Variants in IRF2 observed in about 807,000 individuals in gnomAD.
IRF2 encodes the protein interferon regulatory factor 2.
In IRF2, 15 loss-of-function variants were observed where a neutral mutation model predicts 40.6. The observed-to-expected ratio is 0.37, with a 90% CI of 0.25 to 0.57. The LOEUF (loss-of-function observed/expected upper bound fraction) is 0.57. Ranked by LOEUF, IRF2 falls within the 20% of genes least tolerant of loss-of-function variation. IRF2 has a pLI of 0.77. For missense variants in IRF2, 317 were observed against 455.7 expected (o/e 0.70, Z 2.77); for synonymous variants, 151 against 165.5 (o/e 0.91, Z 0.67).
At chr4:184,434,491 T>A (rs2149906630) in intron 1 of IRF2, among the ~76,000 whole-genome samples, 1 of 152,338 alleles carries the variant, frequency 6.6e-6, no homozygotes, top group Middle Eastern at 3.4e-3. Flanking sequence ...TCTGCAAACC[T>A]AATATATGAG....
At chr4:184,407,189 G>C in intron 6 of IRF2, 1 of 1,289,406 alleles carries the variant, frequency 7.8e-7, no homozygotes. Context: ...CTCGGCAAGA[G>C]GCCAGCGGAG....
In IRF2 at chr4:184,399,050, T is replaced by A; in HGVS notation, c.559A>T (p.Ile187Phe). The change falls in exon 7 of 9, where the codon ATT becomes TTT. Residue 187 changes from isoleucine to phenylalanine, a missense_variant. This residue lies in a region of IRF2 where 262 missense variants were observed against 334.0 expected (regional missense o/e 0.78). Coordinates refer to ENST00000393593, the MANE Select transcript of IRF2 (RefSeq NM_002199.4). The part of the protein sequence containing the change: ...VVGQSHLDSN[I>F]ENQEIVTNPP... ...TTGGTGACAATCTCTTGATTCTCAA[T>A]GTTGCTGTCCAGATGGGACTGTCCT... The A allele has an allele frequency of 6.2e-7, 1 of 1,611,478 alleles. No individual in the cohort carries two copies. The highest frequency in any genetic ancestry group is 8.5e-7 in the Non-Finnish European group (1 of 1,178,654).
At chr4:184,453,694 G>A (rs1738811913) in intron 1 of IRF2, among the ~76,000 whole-genome samples, 1 of 152,214 alleles carries the variant, frequency 6.6e-6, no homozygotes, top group Non-Finnish European at 1.5e-5. Context: ...GAGGCACGTG[G>A]GAAAAGGGTA....
chr4:184,405,261 A>G (rs1736813215), intron 6 of IRF2, among the ~76,000 whole-genome samples: 1 of 152,092 alleles, frequency 6.6e-6, no homozygotes, highest in Non-Finnish European at 1.5e-5. Context: ...AAACAAAACA[A>G]AACAAAACTC....
intron 3 of IRF2, among the ~76,000 whole-genome samples, chr4:184,418,927 G>T (rs1299716067): frequency 2.0e-5 from 3 of 152,132 alleles, no homozygotes; most frequent in Non-Finnish European, 4.4e-5. Context: ...AGTCAAACTG[G>T]GACAAGTTGG....
At chr4:184,471,707 C>G (rs1739519809) in intron 1 of IRF2, among the ~76,000 whole-genome samples, 1 of 152,164 alleles carries the variant, frequency 6.6e-6, no homozygotes, top group Admixed American at 6.5e-5. Flanking sequence ...ACATCTTTTG[C>G]TCTGGTGCAC....
At chr4:184,473,029 G>A (rs985253271) in intron 1 of IRF2, among the ~76,000 whole-genome samples, 1 of 152,144 alleles carries the variant, frequency 6.6e-6, no homozygotes, top group African/African-American at 2.4e-5. Context: ...GGCTTCCCCA[G>A]CCCCGGCGGA....
intron 5 of IRF2, among the ~76,000 whole-genome samples, chr4:184,417,888 G>A (rs1249785770): frequency 5.3e-5 from 8 of 152,224 alleles, no homozygotes; most frequent in Non-Finnish European, 8.8e-5. Context: ...CACTGGCAAC[G>A]GCTGTGGTGG....
At position 184,401,298 on chromosome 4, in the gene IRF2, C is replaced by T. The variant is rs547065239; in HGVS notation, c.530-2219G>A. Among the ~76,000 whole-genome samples the T allele has an allele frequency of 9.9e-5, 15 of 152,166 alleles. No individual in the cohort carries two copies. In the East Asian group the frequency reaches 1.4e-3, roughly 14 times the overall value. On this transcript the variant is annotated intron_variant, in intron 6 of 8. Coordinates refer to ENST00000393593, the MANE Select transcript of IRF2 (RefSeq NM_002199.4). ...TGACAAGCACATTATCTGATTTCTA[C>T]GCAGGGAAGGTTTTAGAGGGCAGTG...
chr4:184,395,396 G>A (rs1485123245), intron 7 of IRF2, among the ~76,000 whole-genome samples: 2 of 123,102 alleles, frequency 1.6e-5, no homozygotes, highest in Non-Finnish European at 3.2e-5. Flanking sequence ...CTGGGCGACA[G>A]AGCGAGACTC....
At chr4:184,449,992 C>A (rs966647062) in intron 1 of IRF2, among the ~76,000 whole-genome samples, 1 of 152,198 alleles carries the variant, frequency 6.6e-6, no homozygotes, top group Non-Finnish European at 1.5e-5. Context: ...GCTAGGTATA[C>A]TGACGCAGGC....
Position 184,388,698 on chromosome 4 carries a change from A to T in IRF2, c.*60T>A, listed in dbSNP as rs1360787101. ...GGTGTCAGAGAGAAAAAAATAAAAT[A>T]CAAACAAACAACAAAACAAAGCCAA... On this transcript the variant is annotated 3_prime_UTR_variant, in exon 9 of 9. Transcript: ENST00000393593. This position sits in a 1 kb window ranked among gnomAD's most constrained non-coding sequence, Gnocchi z 4.6. The T allele has an allele frequency of 3.9e-6, 6 of 1,524,456 alleles. No homozygotes were observed. The highest frequency in any genetic ancestry group is 3.5e-6 in the Non-Finnish European group (4 of 1,127,276). 94.4% of individuals were successfully genotyped at this position (1,524,456 alleles called of 1,614,324 possible). A position where few individuals can be genotyped will look rare whatever the true frequency, so the allele number is the denominator to read the frequency against.
intron 6 of IRF2, among the ~76,000 whole-genome samples, chr4:184,402,483 T>C (rs530758557): frequency 6.6e-6 from 1 of 152,178 alleles, no homozygotes; most frequent in African/African-American, 2.4e-5. Context: ...TATACCCGTA[T>C]GGAGCTTTGA....
intron 6 of IRF2, among the ~76,000 whole-genome samples, chr4:184,406,894 A>AG (rs1193087137): frequency 6.6e-6 from 1 of 152,214 alleles, no homozygotes; most frequent in African/African-American, 2.4e-5. Flanking sequence ...AATATCCTAC[A>AG]GGGGGCACTT....
chr4:184,419,591 A>G, intron 2 of IRF2, 23 bp from the exon 3 acceptor site: 3 of 1,382,928 alleles, frequency 2.2e-6, no homozygotes, highest in Non-Finnish European at 3.0e-6. Flanking sequence ...AAAAAAAAAA[A>G]GGTAAAGAAC....
In IRF2 at chr4:184,408,045, G is replaced by T. The variant is rs1310561064; in HGVS notation, c.529+113C>A. 1.6e-6 allele frequency: 1 copy of T among 632,972 alleles called. No homozygotes were observed. Among genetic ancestry groups the T allele is most frequent in the Non-Finnish European group, 2.8e-6 (1 of 351,990 alleles). The allele number at this position is 632,972 out of a possible 1,614,324, so 39.2% of individuals were successfully genotyped here. ...GGGGCTGGAACTTGCATTCTGAGAT[G>T]ATTCCAAGACCTCCTCCCACTGACT... is the stretch of plus-strand genomic sequence containing the variant. On this transcript the variant is annotated intron_variant, in intron 6 of 8. Transcript: ENST00000393593. The surrounding 1 kb of genome is among the most constrained non-coding windows in gnomAD (Gnocchi z 4.9).
At chr4:184,410,689 A>T (rs920829689) in intron 5 of IRF2, among the ~76,000 whole-genome samples, 8 of 152,144 alleles carry the variant, frequency 5.3e-5, no homozygotes, top group African/African-American at 1.9e-4. Flanking sequence ...GTCTGACCTT[A>T]TTTTTTTAGT....
Position 184,464,818 on chromosome 4 carries a change from G to C in IRF2, c.-7+9561C>G, listed in dbSNP as rs1739266884. Among the ~76,000 whole-genome samples the C allele has an allele frequency of 2.0e-5, 3 of 152,114 alleles. No individual in the cohort carries two copies. The South Asian group carries it at 6.2e-4, about 32-fold the overall frequency. ...TGGAACCTTTTCATCCCATGTCAGGGGAGCTAAGGTGTTTGTCTGTTTGGT... is the reference window on the plus strand; with the variant it reads ...TGGAACCTTTTCATCCCATGTCAGGCGAGCTAAGGTGTTTGTCTGTTTGGT... On this transcript the variant is annotated intron_variant, in intron 1 of 8. Coordinates refer to ENST00000393593, the MANE Select transcript of IRF2 (RefSeq NM_002199.4).
intron 5 of IRF2, among the ~76,000 whole-genome samples, chr4:184,414,711 T>C (rs750516702): frequency 2.0e-5 from 3 of 152,248 alleles, no homozygotes; most frequent in African/African-American, 2.4e-5. Context: ...GGGGGACATA[T>C]AGCATGGAGA....
Sources: allele counts gnomAD v4.1 joint callset (sites outside exome capture counted in the v4.1 genomes callset), GRCh38; gene constraint gnomAD v4.1.1; regional missense constraint gnomAD v4.1.1; non-coding constraint Gnocchi (gnomAD v3.1); transcripts MANE v1.5; gene names NCBI Gene and HGNC (gene_info 2026-07-23, HGNC 2026-07-21).